The following SEMA3E variants were observed in gnomAD, a reference collection of about 807,000 sequenced individuals.
SEMA3E encodes semaphorin 3E.
A neutral mutation model predicts 93.6 loss-of-function variants in SEMA3E; 49 were observed. The ratio of observed to expected loss-of-function variants is 0.52; its 90% CI spans 0.42 to 0.66. The LOEUF (loss-of-function observed/expected upper bound fraction) is 0.66. Among genes scored for constraint, SEMA3E ranks in the 30% least tolerant of loss-of-function variants. The probability of loss-of-function intolerance (pLI) is 0.00; values close to 1 mark genes in which losing one functional copy is unlikely to be tolerated. For synonymous variants in SEMA3E, 363 were observed against 330.7 expected, an observed-to-expected ratio of 1.10 and a Z score of -1.06; for missense variants, 906 against 964.8, an observed-to-expected ratio of 0.94 and a Z score of 0.81.
chr7:83,409,163 G>T (rs925797885), intron 5 of SEMA3E, among the ~76,000 whole-genome samples: 1 of 152,160 alleles, frequency 6.6e-6, no homozygotes, highest in South Asian at 2.1e-4. Context: ...CTTAAAATCA[G>T]ACTGAGAAAT....
chr7:83,621,560 C>G (rs377181393), intron 1 of SEMA3E, among the ~76,000 whole-genome samples: 1 of 152,216 alleles, frequency 6.6e-6, no homozygotes, highest in African/African-American at 2.4e-5. Context: ...GTGAAAAGAA[C>G]AAAGCTGGAG....
chr7:83,409,962 TTAAAGG>T (rs1413370684), intron 5 of SEMA3E, among the ~76,000 whole-genome samples: 1 of 151,614 alleles, frequency 6.6e-6, no homozygotes, highest in Non-Finnish European at 1.5e-5. Context: ...TATTAATATT[TTAAAGG>T]TAAAGATGAT....
intron 4 of SEMA3E, chr7:83,424,743 G>C (rs1003738178): frequency 1.3e-5 from 2 of 153,784 alleles, no homozygotes; most frequent in African/African-American, 2.4e-5. Flanking sequence ...GACTTATCCA[G>C]GTAGATCCAA....
intron 10 of SEMA3E, among the ~76,000 whole-genome samples, chr7:83,402,054 C>T (rs1788242793): frequency 6.6e-6 from 1 of 151,952 alleles, no homozygotes; most frequent in South Asian, 2.1e-4. Context: ...AACCTTTGTA[C>T]TCTAGCAATA....
intron 1 of SEMA3E, among the ~76,000 whole-genome samples, chr7:83,635,833 G>A: frequency 7.0e-6 from 1 of 142,952 alleles, no homozygotes; most frequent in African/African-American, 2.6e-5. Flanking sequence ...ATAAATGAAA[G>A]ACAAATGGCC....
intron 1 of SEMA3E, among the ~76,000 whole-genome samples, chr7:83,503,536 C>T (rs1427084680): frequency 6.6e-6 from 1 of 152,044 alleles, no homozygotes; most frequent in Non-Finnish European, 1.5e-5. Flanking sequence ...GATGGGAATA[C>T]ATTCTGAGTA....
At chr7:83,439,625 CCA>C (rs1467604386) in intron 4 of SEMA3E, among the ~76,000 whole-genome samples, 20 of 152,160 alleles carry the variant, frequency 1.3e-4, no homozygotes, top group Non-Finnish European at 2.5e-4. Context: ...GATTTCAACG[CCA>C]CAGTCTAACC....
rs560936424 is a variant in SEMA3E, at chr7:83,582,699, T to C, written c.115+65729A>G. Among the ~76,000 whole-genome samples, 6 of 152,266 alleles carry C rather than the reference T, an allele frequency of 3.9e-5. No homozygotes were observed. The East Asian group carries it at 7.7e-4, about 20-fold the overall frequency. ...CCGGAGGAATTAAATTGTCCAGTTA[T>C]AGGAATTATGGCTAATCTCTCCTTT... On this transcript the variant is annotated intron_variant, in intron 1 of 16. Coordinates refer to ENST00000643230, the MANE Select transcript of SEMA3E (RefSeq NM_012431.3).
intron 7 of SEMA3E, 141 bp from the exon 8 acceptor site, chr7:83,406,200 T>C (rs1788327216): frequency 1.0e-5 from 7 of 702,510 alleles, no homozygotes; most frequent in Admixed American, 2.1e-5. Context: ...TCAAGTAATG[T>C]CATAGGTGCA....
chr7:83,592,104 A>G (rs570480966), intron 1 of SEMA3E, among the ~76,000 whole-genome samples: 1 of 152,216 alleles, frequency 6.6e-6, no homozygotes, highest in South Asian at 2.1e-4. Flanking sequence ...TTAACAGTTT[A>G]TGGAGAGTAT....
intron 10 of SEMA3E, among the ~76,000 whole-genome samples, chr7:83,400,893 A>C (rs1237399305): frequency 6.6e-6 from 1 of 152,128 alleles, no homozygotes; most frequent in East Asian, 1.9e-4. Flanking sequence ...GAAACTTCTA[A>C]CTAAGGATCA....
At position 83,594,273 on chromosome 7, in the gene SEMA3E, C is replaced by T. The variant is rs145885688; in HGVS notation, c.115+54155G>A. Among the ~76,000 whole-genome samples the T allele has an allele frequency of 5.3e-5, 8 of 152,100 alleles. No homozygotes were observed. In the East Asian group the frequency reaches 1.4e-3, roughly 26 times the overall value. On this transcript the variant is annotated intron_variant, in intron 1 of 16. Transcript: ENST00000643230. The stretch of plus-strand genomic sequence containing the variant: ...TGAGAACAATTTAAATTTGTGCAGC[C>T]GGCAGGAAGTTTATTTAGCGCTTTG...
At chr7:83,541,472 A>C (rs1302628015) in intron 1 of SEMA3E, among the ~76,000 whole-genome samples, 1 of 149,644 alleles carries the variant, frequency 6.7e-6, no homozygotes, top group Non-Finnish European at 1.5e-5. Flanking sequence ...GATTCAACAG[A>C]GTTTGGTACT....
At chr7:83,627,628 CTTTTTTTTT>C (rs746550123) in intron 1 of SEMA3E, among the ~76,000 whole-genome samples, 1 of 65,348 alleles carries the variant, frequency 1.5e-5, no homozygotes, top group Admixed American at 2.0e-4. Flanking sequence ...GCAACCCCTG[CTTTTTTTTT>C]TTTTTTTTTT....
chr7:83,529,516 A>G (rs1372047292), intron 1 of SEMA3E, among the ~76,000 whole-genome samples: 2 of 152,186 alleles, frequency 1.3e-5, no homozygotes, highest in East Asian at 3.9e-4. Context: ...TGACTTCCAA[A>G]AAATTTACAA....
At chr7:83,458,971 G>GTGTA (rs1554328022) in intron 4 of SEMA3E, among the ~76,000 whole-genome samples, 1 of 63,902 alleles carries the variant, frequency 1.6e-5, no homozygotes, top group Non-Finnish European at 4.2e-5. Context: ...GTGTGTGTGT[G>GTGTA]TGTATATATA....
intron 4 of SEMA3E, among the ~76,000 whole-genome samples, chr7:83,445,999 C>G (rs1789220941): frequency 6.6e-6 from 1 of 152,134 alleles, no homozygotes. Context: ...ATTCCAGTCC[C>G]TAAGGCAGCT....
chr7:83,648,217 T>C (rs1794105210), intron 1 of SEMA3E, among the ~76,000 whole-genome samples: 1 of 152,134 alleles, frequency 6.6e-6, no homozygotes, highest in African/African-American at 2.4e-5. Context: ...TAAGTTGACA[T>C]GTGATTTTGC....
At chr7:83,648,377 CTTTTTCT>C in intron 1 of SEMA3E, 44 bp downstream of exon 1, 1 of 1,297,340 alleles carries the variant, frequency 7.7e-7, no homozygotes. Context: ...TTTCTTTTTT[CTTTTTCT>C]TTTTTTTTTT....
Sources: gnomAD v4.1 joint callset for allele counts (sites outside exome capture counted in the v4.1 genomes callset) on GRCh38, gnomAD v4.1.1 for gene constraint, MANE v1.5 for transcripts, NCBI Gene and HGNC (gene_info 2026-07-23, HGNC 2026-07-21) for gene names.